CUBN: variants seen among roughly 807,000 people sequenced by gnomAD.
CUBN encodes the protein 460 kDa receptor.
Under a neutral mutation model 405.3 loss-of-function variants are expected in CUBN, and 282 were observed. The ratio of observed to expected loss-of-function variants is 0.70; its 90% CI spans 0.63 to 0.77. The LOEUF is 0.77. Among genes scored for constraint, CUBN ranks in the 30% least tolerant of loss-of-function variants. The pLI is 0.00. For synonymous variants in CUBN, 1,684 were observed against 1,617.0 expected (o/e 1.04, Z -0.99); for missense variants, 4,514 against 4,475.2 (o/e 1.01, Z -0.25).
At chr10:17,010,123 T>G (rs1834139132) in intron 28 of CUBN, among the ~76,000 whole-genome samples, 1 of 152,222 alleles carries the variant, frequency 6.6e-6, no homozygotes, top group South Asian at 2.1e-4. Flanking sequence ...AGGGTTCATG[T>G]GCACAGGAGC....
chr10:17,122,749 C>T (rs779247169), intron 6 of CUBN, 46 bp downstream of exon 6: 1 of 1,121,758 alleles, frequency 8.9e-7, no homozygotes, highest in Admixed American at 2.2e-5. Context: ...TGTTTTAGGC[C>T]TTCAAAAATA....
intron 40 of CUBN, among the ~76,000 whole-genome samples, chr10:16,930,982 T>C (rs1004793230): frequency 4.6e-5 from 7 of 151,836 alleles, no homozygotes; most frequent in East Asian, 1.9e-4. Context: ...ATAGGCCAGG[T>C]GTGGTGGCTC....
chr10:16,961,815 C>T (rs181461997), intron 31 of CUBN, among the ~76,000 whole-genome samples: 2 of 146,224 alleles, frequency 1.4e-5, no homozygotes, highest in Non-Finnish European at 3.0e-5. Flanking sequence ...GGGTTCACGC[C>T]ATTCTCCTGC....
chr10:16,863,599 C>A (rs1038760337), intron 59 of CUBN, among the ~76,000 whole-genome samples: 1 of 151,986 alleles, frequency 6.6e-6, no homozygotes, highest in Non-Finnish European at 1.5e-5. Context: ...TAAGTTTATT[C>A]TTGTATTGTT....
Position 16,913,835 on chromosome 10 carries a change from C to T in CUBN, c.7509G>A (p.Pro2503=), listed in dbSNP as rs201001705. 8.3e-4 allele frequency: 1,342 copies of T among 1,613,784 alleles called. 3 individuals are homozygous for T. The highest frequency in any genetic ancestry group is 9.9e-4 in the Non-Finnish European group (1,167 of 1,180,016). The change falls in exon 48 of 67, where the codon CCG becomes CCA. Residue 2503 remains proline, a synonymous_variant. Transcript: ENST00000377833. The part of the protein sequence containing the change: ...MFNNLRLATH[P]SCNNEHVIVF... The stretch of plus-strand genomic sequence containing the variant: ...CTATCACATGCTCATTGTTGCAGGA[C>T]GGATGCGTGGCCAGCCTCAGGTTGT...
chr10:17,077,152 G>A (rs755113903), intron 17 of CUBN, among the ~76,000 whole-genome samples: 25 of 152,060 alleles, frequency 1.6e-4, no homozygotes, highest in Admixed American at 1.4e-3. Flanking sequence ...AGTGTTTCAC[G>A]GACCAGGTTC....
At chr10:16,939,931 G>T in intron 37 of CUBN, 101 bp downstream of exon 37, 1 of 1,011,450 alleles carries the variant, frequency 9.9e-7, no homozygotes, top group Admixed American at 1.7e-5. Context: ...AAATAGTGTA[G>T]AGTTTAGGAT....
At chr10:17,028,331 C>A (rs766896323) in intron 27 of CUBN, among the ~76,000 whole-genome samples, 1 of 151,830 alleles carries the variant, frequency 6.6e-6, no homozygotes, top group African/African-American at 2.4e-5. Context: ...GTTCATAGAA[C>A]AACGTGAAAT....
At chr10:17,065,803 C>T (rs537150216) in intron 21 of CUBN, among the ~76,000 whole-genome samples, 165 bp from the exon 22 acceptor site, 2 of 152,154 alleles carry the variant, frequency 1.3e-5, no homozygotes, top group South Asian at 2.1e-4. Flanking sequence ...TGCAAACTTA[C>T]GAAAGATTGT....
Position 17,122,626 on chromosome 10 carries a change from A to C in CUBN, c.593+169T>G, listed in dbSNP as rs7070148. 0.088 allele frequency: 57,663 copies of C among 653,454 alleles called. 3,576 individuals are homozygous for C. Among genetic ancestry groups the C allele is most frequent in the South Asian group, 0.22 (13,458 of 59,966 alleles). The allele number at this position is 653,454 out of a possible 1,614,324, so 40.5% of individuals were successfully genotyped here. A position where few individuals can be genotyped will look rare whatever the true frequency, so the allele number is the denominator to read the frequency against. The stretch of plus-strand genomic sequence containing the variant: ...GTAAAGGACTCATGAGCTTTTCTTC[A>C]GTTAAGTAAAAATAGCTATGTAGAC... On this transcript the variant is annotated intron_variant, in intron 6 of 66. Transcript: ENST00000377833.
intron 12 of CUBN, among the ~76,000 whole-genome samples, chr10:17,103,991 G>T (rs1366712774): frequency 6.6e-6 from 1 of 152,152 alleles, no homozygotes; most frequent in African/African-American, 2.4e-5. Flanking sequence ...GGTTATAGAA[G>T]ATCATTGAAA....
chr10:17,043,980 A>G lies in CUBN; in HGVS notation c.3676T>C (p.Tyr1226His). ...TGAGAGTTGCTACTTGGGCCATCAT[A>G]TACCTTTAAGAAAATATTTTGAATG... ...PNCTLDYLAV[Y>H]DGPSSNSHLL... Residue 1226 changes from tyrosine to histidine, a missense_variant, in exon 26 of 67, where the codon TAT becomes CAT. Coordinates refer to ENST00000377833, the MANE Select transcript of CUBN (RefSeq NM_001081.4). 2 of 1,612,598 alleles carry G rather than the reference A, an allele frequency of 1.2e-6. No homozygotes were observed. Among genetic ancestry groups the G allele is most frequent in the Non-Finnish European group, 1.7e-6 (2 of 1,179,048 alleles).
intron 24 of CUBN, among the ~76,000 whole-genome samples, 160 bp from the exon 25 acceptor site, chr10:17,045,348 T>G (rs1204593139): frequency 6.6e-6 from 1 of 150,700 alleles, no homozygotes; most frequent in Non-Finnish European, 1.5e-5. Flanking sequence ...AATCCAATTT[T>G]TATTTTTTTC....
chr10:16,941,252 A>AG (rs1842643010), intron 36 of CUBN, among the ~76,000 whole-genome samples: 1 of 151,474 alleles, frequency 6.6e-6, no homozygotes, highest in Non-Finnish European at 1.5e-5. Context: ...AGACAAATCA[A>AG]GGGGAAAACT....
In CUBN at chr10:17,100,263, A is replaced by G. The variant is rs775695015; in HGVS notation, c.1531-24T>C. The G allele has an allele frequency of 2.8e-6, 4 of 1,440,548 alleles. No individual in the cohort carries two copies. In the Admixed American group the frequency reaches 6.7e-5, roughly 24 times the overall value. 89.2% of individuals were successfully genotyped at this position (1,440,548 alleles called of 1,614,324 possible). ...ACCTAAAAATACAAAGGCCACATAT[A>G]TTATCTTTTACTTCCATGTAAATTT... On this transcript the variant is annotated intron_variant, in intron 13 of 66. Coordinates refer to ENST00000377833, the MANE Select transcript of CUBN (RefSeq NM_001081.4).
intron 16 of CUBN, 46 bp downstream of exon 16, chr10:17,085,551 T>A: frequency 1.9e-6 from 3 of 1,546,444 alleles, no homozygotes; most frequent in Non-Finnish European, 2.7e-6. Flanking sequence ...AAGCATAGCA[T>A]TGGCCTTCAA....
chr10:16,918,561 A>G (rs1053549352), intron 45 of CUBN, 61 bp downstream of exon 45: 1 of 1,287,844 alleles, frequency 7.8e-7, no homozygotes, highest in Non-Finnish European at 1.1e-6. Flanking sequence ...GAATTTACCT[A>G]TATAACAAAT....
intron 4 of CUBN, 36 bp downstream of exon 4, chr10:17,126,725 G>T: frequency 6.2e-7 from 1 of 1,605,264 alleles, no homozygotes. Context: ...TATGTTTTCT[G>T]TGAAAGATTT....
intron 39 of CUBN, among the ~76,000 whole-genome samples, chr10:16,936,062 C>T (rs1842494904): frequency 6.6e-6 from 1 of 151,904 alleles, no homozygotes; most frequent in Non-Finnish European, 1.5e-5. Context: ...ATTCTCTTGA[C>T]CCCTTACTTT....
Sources: allele counts gnomAD v4.1 joint callset (sites outside exome capture counted in the v4.1 genomes callset), GRCh38; gene constraint gnomAD v4.1.1; transcripts MANE v1.5; gene names NCBI Gene and HGNC (gene_info 2026-07-23, HGNC 2026-07-21).